The following RGS5 variants were observed in gnomAD, a reference collection of about 807,000 sequenced individuals.
The protein encoded by RGS5 is regulator of G protein signaling 5.
A neutral mutation model predicts 18.9 loss-of-function variants in RGS5; 20 were observed. The ratio of observed to expected loss-of-function variants is 1.06; its 90% CI spans 0.74 to 1.54. The LOEUF (loss-of-function observed/expected upper bound fraction) is 1.54. RGS5 is among the 40% of genes most tolerant of loss of function. RGS5 has a pLI of 0.00. For synonymous variants in RGS5, 57 were observed against 76.2 expected, an observed-to-expected ratio of 0.75 and a Z score of 1.31; for missense variants, 201 against 211.8, an observed-to-expected ratio of 0.95 and a Z score of 0.32.
intron 2 of RGS5, among the ~76,000 whole-genome samples, chr1:163,262,721 A>G (rs1016177066): frequency 1.4e-5 from 2 of 146,188 alleles, no homozygotes; most frequent in African/African-American, 5.1e-5. Flanking sequence ...TAGATCCCTG[A>G]GGAATCGCCA....
intron 2 of RGS5, among the ~76,000 whole-genome samples, chr1:163,277,100 C>A (rs1190730271): frequency 6.6e-6 from 1 of 152,150 alleles, no homozygotes; most frequent in East Asian, 1.9e-4. Context: ...TTTTGGTCTC[C>A]ACAACTCCTT....
At chr1:163,254,831 G>A (rs1175926083) in intron 2 of RGS5, among the ~76,000 whole-genome samples, 1 of 151,428 alleles carries the variant, frequency 6.6e-6, no homozygotes, top group Non-Finnish European at 1.5e-5. Context: ...TGTATAAGGT[G>A]TAAGGAAGGG....
intron 2 of RGS5, among the ~76,000 whole-genome samples, chr1:163,284,351 T>C (rs926119507): frequency 1.3e-5 from 2 of 152,222 alleles, no homozygotes; most frequent in African/African-American, 4.8e-5. Context: ...TTCATGCTCA[T>C]GGCTACAGAG....
chr1:163,184,670 G>C (rs1658997274), intron 1 of RGS5, among the ~76,000 whole-genome samples: 1 of 152,128 alleles, frequency 6.6e-6, no homozygotes, highest in African/African-American at 2.4e-5. Flanking sequence ...GAAGGCAGGA[G>C]GGTCAAGTCT....
upstream of RGS5, among the ~76,000 whole-genome samples, chr1:163,204,601 C>T (rs763773191): frequency 1.6e-4 from 24 of 152,314 alleles, no homozygotes; most frequent in Middle Eastern, 3.4e-3. Context: ...CCTCCTGCCT[C>T]AGCCTTCCAA....
intron 2 of RGS5, among the ~76,000 whole-genome samples, chr1:163,268,620 C>G (rs2101710350): frequency 6.6e-6 from 1 of 152,132 alleles, no homozygotes; most frequent in Middle Eastern, 3.4e-3. Flanking sequence ...AATATTCCCC[C>G]TGTCCTAAAT....
At chr1:163,290,907 TGAGA>T (rs1161498744) in intron 2 of RGS5, among the ~76,000 whole-genome samples, 4 of 152,124 alleles carry the variant, frequency 2.6e-5, no homozygotes, top group African/African-American at 9.7e-5. Context: ...GGATTTAGCA[TGAGA>T]GAGAAAAAGG....
chr1:163,270,536 A>G (rs1464864816), intron 2 of RGS5, among the ~76,000 whole-genome samples: 1 of 151,966 alleles, frequency 6.6e-6, no homozygotes, highest in Non-Finnish European at 1.5e-5. Context: ...AAAAAATAAA[A>G]ATAAAAAAGA....
At chr1:163,253,901 A>T (rs10917707) in intron 2 of RGS5, among the ~76,000 whole-genome samples, 81,571 of 150,622 alleles carry the variant, frequency 0.54, 22,595 homozygotes, top group Non-Finnish European at 0.61. Flanking sequence ...ATATGCAGTG[A>T]TTAGTTTTTT....
intron 1 of RGS5, among the ~76,000 whole-genome samples, chr1:163,309,966 C>A (rs1366414799): frequency 6.6e-6 from 1 of 152,146 alleles, no homozygotes; most frequent in African/African-American, 2.4e-5. Flanking sequence ...TCAATCAGGG[C>A]TCTTGGGTGA....
intron 2 of RGS5, among the ~76,000 whole-genome samples, chr1:163,254,875 G>A (rs1341501598): frequency 6.6e-6 from 1 of 151,368 alleles, no homozygotes; most frequent in East Asian, 1.9e-4. Flanking sequence ...TGGCTAGCCA[G>A]TTTTCCCAGC....
At chr1:163,264,460 GTTCA>G (rs1648527471) in intron 2 of RGS5, among the ~76,000 whole-genome samples, 1 of 152,090 alleles carries the variant, frequency 6.6e-6, no homozygotes, top group African/African-American at 2.4e-5. Flanking sequence ...AAGCTCTTTT[GTTCA>G]TTATTTCCCC....
chr1:163,172,424 C>T (rs1658345039), intron 1 of RGS5: 1 of 903,102 alleles, frequency 1.1e-6, no homozygotes. Flanking sequence ...CAGGATGAAT[C>T]AGTACCCTAC....
At chr1:163,316,091 C>G (rs1006711839) in intron 1 of RGS5, among the ~76,000 whole-genome samples, 42 of 152,140 alleles carry the variant, frequency 2.8e-4, no homozygotes, top group Non-Finnish European at 1.8e-4. Flanking sequence ...AAATTATACA[C>G]TACAATACTA....
intron 3 of RGS5, among the ~76,000 whole-genome samples, chr1:163,155,683 C>T (rs996409758): frequency 1.6e-4 from 24 of 152,236 alleles, no homozygotes; most frequent in African/African-American, 5.8e-4. Context: ...CCAAATGTCT[C>T]TATTCTGCAA....
chr1:163,220,368 T>A (rs1227729421), upstream of RGS5, among the ~76,000 whole-genome samples: 1 of 152,178 alleles, frequency 6.6e-6, no homozygotes, highest in East Asian at 1.9e-4. Flanking sequence ...ATCCACAGAC[T>A]CCATTCAAAT....
intron 2 of RGS5, among the ~76,000 whole-genome samples, chr1:163,240,525 A>T (rs539220189): frequency 7.2e-5 from 11 of 151,950 alleles, no homozygotes; most frequent in South Asian, 2.1e-4. Context: ...TGGAAAAAAA[A>T]TTTTTTAAGA....
intron 1 of RGS5, among the ~76,000 whole-genome samples, chr1:163,214,771 T>C (rs896536314): frequency 2.6e-5 from 4 of 152,232 alleles, no homozygotes; most frequent in African/African-American, 9.6e-5. Flanking sequence ...CTTTTTGGAA[T>C]TGAGCTTTAA....
intron 2 of RGS5, chr1:163,238,571 A>T (rs1215916600): frequency 1.3e-4 from 22 of 169,164 alleles, no homozygotes. Context: ...TTGTAGAGCA[A>T]CCTGGTGACC....
Sources: gnomAD v4.1 joint callset for allele counts (sites outside exome capture counted in the v4.1 genomes callset) on GRCh38, gnomAD v4.1.1 for gene constraint, MANE v1.5 for transcripts, NCBI Gene and HGNC (gene_info 2026-07-23, HGNC 2026-07-21) for gene names.